The following GPHN variants were observed in gnomAD, a reference collection of about 807,000 sequenced individuals.
The protein encoded by GPHN is gephyrin.
A neutral mutation model predicts 95.5 loss-of-function variants in GPHN; 17 were observed. That is an observed-to-expected ratio of 0.18 (90% confidence interval 0.12 to 0.27). The LOEUF is 0.27. GPHN is among the 10% of genes least tolerant of loss of function. GPHN has a pLI of 1.00. For missense variants in GPHN, 660 were observed against 978.1 expected, an observed-to-expected ratio of 0.67 and a Z score of 4.34; for synonymous variants, 320 against 322.5, an observed-to-expected ratio of 0.99 and a Z score of 0.08.
At chr14:67,359,803 G>A in the GPHN span, 2 of 1,342,906 alleles carry the variant, frequency 1.5e-6, no homozygotes, top group Non-Finnish European at 2.1e-6. Flanking sequence ...TCAGCTGGTT[G>A]TGTCACTTGA....
At chr14:66,515,051 G>A (rs1027474189) in intron 1 of GPHN, among the ~76,000 whole-genome samples, 13 of 151,976 alleles carry the variant, frequency 8.6e-5, no homozygotes, top group Admixed American at 8.5e-4. Flanking sequence ...AACTAATAGA[G>A]GTAACGCATA....
chr14:66,845,155 T>C (rs1375694993), intron 4 of GPHN, among the ~76,000 whole-genome samples: 2 of 152,220 alleles, frequency 1.3e-5, no homozygotes, highest in Non-Finnish European at 2.9e-5. Flanking sequence ...TTTCAGCTTT[T>C]AGCTTTTACA....
In GPHN at chr14:67,144,284, T is replaced by C. The variant is rs867941121; in HGVS notation, c.1836+835T>C. On this transcript the variant is annotated intron_variant, in intron 18 of 22. Coordinates refer to ENST00000478722, the MANE Select transcript of GPHN (RefSeq NM_020806.5). Reference sequence around the variant, plus strand: ...ATATATATATATATATATATATATATATACACACACACATACACAAATATT... The same window carrying C: ...ATATATATATATATATATATATATACATACACACACACATACACAAATATT... Among the ~76,000 whole-genome samples the C allele has an allele frequency of 9.5e-4, 100 of 105,602 alleles. 9 individuals are homozygous for C. Among genetic ancestry groups the C allele is most frequent in the African/African-American group, 3.9e-3 (93 of 24,076 alleles). The allele number at this position is 105,602 out of a possible 152,430, so 69.3% of individuals were successfully genotyped here. A position where few individuals can be genotyped will look rare whatever the true frequency, so the allele number is the denominator to read the frequency against.
the GPHN span, among the ~76,000 whole-genome samples, chr14:67,637,410 CAAAAAAAAAAAA>C: frequency 0.16 from 16,632 of 104,086 alleles, 1,129 homozygotes; most frequent in East Asian, 0.24. Context: ...GACTCTGTCT[CAAAAAAAAAAAA>C]AAAAAAAAAA....
chr14:67,413,574 G>A, the GPHN span, among the ~76,000 whole-genome samples: 2 of 152,196 alleles, frequency 1.3e-5, no homozygotes, highest in South Asian at 4.1e-4. Context: ...TCCCAGGCCA[G>A]TCCCTGCCCT....
At chr14:66,549,718 GA>G (rs1221488934) in intron 1 of GPHN, among the ~76,000 whole-genome samples, 1 of 151,746 alleles carries the variant, frequency 6.6e-6, no homozygotes. Flanking sequence ...AGCTAGACAG[GA>G]AAAAAAAGCT....
the GPHN span, among the ~76,000 whole-genome samples, chr14:67,520,512 T>C: frequency 6.6e-6 from 1 of 152,268 alleles, no homozygotes; most frequent in African/African-American, 2.4e-5. Context: ...TATGGCTTGA[T>C]AGCTTATTTC....
chr14:66,630,921 T>C (rs1445893146), intron 1 of GPHN, among the ~76,000 whole-genome samples: 1 of 152,220 alleles, frequency 6.6e-6, no homozygotes, highest in Non-Finnish European at 1.5e-5. Flanking sequence ...GTTTTTTTTT[T>C]CTTACATTTT....
chr14:67,282,546 A>G, the GPHN span, among the ~76,000 whole-genome samples: 1 of 152,172 alleles, frequency 6.6e-6, no homozygotes, highest in Admixed American at 6.5e-5. Flanking sequence ...GTATGATAAT[A>G]AAAGTACAGG....
At chr14:66,669,112 C>G (rs2153383001) in intron 1 of GPHN, among the ~76,000 whole-genome samples, 1 of 152,122 alleles carries the variant, frequency 6.6e-6, no homozygotes, top group Non-Finnish European at 1.5e-5. Flanking sequence ...GCCTGTAATC[C>G]CAGCACTTTG....
intron 21 of GPHN, among the ~76,000 whole-genome samples, chr14:67,174,013 A>G (rs1473023695): frequency 1.3e-5 from 2 of 152,256 alleles, no homozygotes; most frequent in East Asian, 1.9e-4. Context: ...GGGGAAAAAA[A>G]GAAATAACAA....
intron 2 of GPHN, among the ~76,000 whole-genome samples, chr14:66,774,414 GA>G (rs936656951): frequency 6.6e-6 from 1 of 151,382 alleles, no homozygotes; most frequent in South Asian, 2.1e-4. Context: ...AATGCAATTA[GA>G]AAAAAAAATT....
the GPHN span, among the ~76,000 whole-genome samples, chr14:67,443,578 G>GAA: frequency 7.0e-6 from 1 of 143,704 alleles, no homozygotes; most frequent in Non-Finnish European, 1.5e-5. Context: ...AGACATTTAG[G>GAA]AAAAAAAAAA....
chr14:67,531,439 G>T, the GPHN span, among the ~76,000 whole-genome samples: 41,257 of 151,878 alleles, frequency 0.27, 5,729 homozygotes, highest in Non-Finnish European at 0.3. Flanking sequence ...GTCCTGCTCA[G>T]AGTTGGGCAA....
chr14:67,141,035 C>T (rs1469418636), intron 17 of GPHN, among the ~76,000 whole-genome samples: 1 of 151,566 alleles, frequency 6.6e-6, no homozygotes, highest in Non-Finnish European at 1.5e-5. Flanking sequence ...CAGTTAATAC[C>T]TGGGCACTTT....
At chr14:67,539,389 A>G in the GPHN span, among the ~76,000 whole-genome samples, 1 of 152,218 alleles carries the variant, frequency 6.6e-6, no homozygotes, top group South Asian at 2.1e-4. Context: ...CTGGGAGAGC[A>G]GCGCTGAAGT....
At chr14:67,555,972 C>T in the GPHN span, 2 of 1,518,590 alleles carry the variant, frequency 1.3e-6, no homozygotes, top group Non-Finnish European at 1.8e-6. Context: ...CAGGTGGACA[C>T]ATACATCACC....
intron 4 of GPHN, among the ~76,000 whole-genome samples, chr14:66,845,330 A>G (rs1426958311): frequency 6.6e-6 from 1 of 152,208 alleles, no homozygotes; most frequent in Admixed American, 6.5e-5. Flanking sequence ...TAATAAGTCC[A>G]AGATATGATA....
In GPHN at chr14:67,099,076, G is replaced by C. The variant is rs188887567; in HGVS notation, c.1238-1780G>C. Among the ~76,000 whole-genome samples the C allele has an allele frequency of 3.0e-3, 453 of 151,562 alleles. 8 individuals carry two copies. The highest frequency in any genetic ancestry group is 0.01 in the African/African-American group (428 of 41,344). ...CAAGATTGGTAAAATGTTGATAATT[G>C]TTGAAGCAATGACGTCTATGTCTGT... On this transcript the variant is annotated intron_variant, in intron 12 of 22. Coordinates refer to ENST00000478722, the MANE Select transcript of GPHN (RefSeq NM_020806.5).
Sources: allele counts gnomAD v4.1 joint callset (sites outside exome capture counted in the v4.1 genomes callset), GRCh38; gene constraint gnomAD v4.1.1; transcripts MANE v1.5; gene names NCBI Gene and HGNC (gene_info 2026-07-23, HGNC 2026-07-21).